SMAP1: variants seen among roughly 807,000 people sequenced by gnomAD.
The protein encoded by SMAP1 is stromal membrane-associated protein 1.
In SMAP1, 24 loss-of-function variants were observed where a neutral mutation model predicts 58.5. That is an observed-to-expected ratio of 0.41 (90% CI 0.30 to 0.58). The LOEUF (loss-of-function observed/expected upper bound fraction) is 0.58, where lower values mean the gene tolerates loss of function less well. SMAP1 is among the 20% of genes least tolerant of loss of function. SMAP1 has a pLI of 0.29. For missense variants in SMAP1, 563 were observed against 566.3 expected, an observed-to-expected ratio of 0.99 and a Z score of 0.06; for synonymous variants, 216 against 196.6, an observed-to-expected ratio of 1.10 and a Z score of -0.82.
intron 8 of SMAP1, among the ~76,000 whole-genome samples, chr6:70,856,242 CAT>C (rs958286582): frequency 6.6e-6 from 1 of 152,060 alleles, no homozygotes; most frequent in Non-Finnish European, 1.5e-5. Context: ...TAAATATCTA[CAT>C]GTTTATTTGT....
chr6:70,692,519 C>T (rs1446722469), intron 1 of SMAP1, among the ~76,000 whole-genome samples: 1 of 152,086 alleles, frequency 6.6e-6, no homozygotes, highest in Non-Finnish European at 1.5e-5. Context: ...GGCAGAGTGT[C>T]CCCAATGTTT....
intron 4 of SMAP1, 27 bp downstream of exon 4, chr6:70,773,452 ATTGT>A (rs755554139): frequency 1.7e-5 from 23 of 1,365,542 alleles, no homozygotes; most frequent in East Asian, 9.5e-5. Flanking sequence ...TCTCTCATCA[ATTGT>A]TTGTTGACTA....
intron 4 of SMAP1, among the ~76,000 whole-genome samples, chr6:70,783,202 G>A (rs951150381): frequency 6.6e-6 from 1 of 152,188 alleles, no homozygotes; most frequent in Admixed American, 6.5e-5. Context: ...GGTCTGGAGT[G>A]GACCTCTAGC....
At chr6:70,719,927 A>G (rs1768445498) in intron 1 of SMAP1, among the ~76,000 whole-genome samples, 1 of 152,140 alleles carries the variant, frequency 6.6e-6, no homozygotes, top group Non-Finnish European at 1.5e-5. Flanking sequence ...CAGCCAAACC[A>G]TATCATTCTG....
intron 6 of SMAP1, among the ~76,000 whole-genome samples, chr6:70,832,730 G>A (rs184087138): frequency 2.0e-5 from 3 of 152,300 alleles, no homozygotes; most frequent in East Asian, 1.9e-4. Flanking sequence ...AGAGGGGGCC[G>A]AAATTGTTTT....
Position 70,861,563 on chromosome 6 carries a change from TAAAAC to T in SMAP1, c.*1233_*1237del. 1 of 1,101,336 alleles carries T rather than the reference TAAAAC, an allele frequency of 9.1e-7. No individual in the cohort carries two copies. The highest frequency in any genetic ancestry group is 1.3e-6 in the Non-Finnish European group (1 of 747,686). 68.2% of individuals were successfully genotyped at this position (1,101,336 alleles called of 1,614,324 possible). A position where few individuals can be genotyped will look rare whatever the true frequency, so the allele number is the denominator to read the frequency against. ...GACAAGAAAGGCTGCTGTACTGAAGTAAAACAAACAATACCTGAATGCTCTGTAGC... is the reference window on the plus strand; with the variant it reads ...GACAAGAAAGGCTGCTGTACTGAAGTAAACAATACCTGAATGCTCTGTAGC... On this transcript the variant is annotated 3_prime_UTR_variant, in exon 11 of 11. Coordinates refer to ENST00000370455, the MANE Select transcript of SMAP1 (RefSeq NM_001044305.3).
At chr6:70,769,617 C>A (rs971010766) in intron 3 of SMAP1, among the ~76,000 whole-genome samples, 56 of 152,278 alleles carry the variant, frequency 3.7e-4, no homozygotes, top group African/African-American at 1.1e-3. Context: ...AGATCTTCCT[C>A]CATCCCTTTA....
rs760394416 is a variant in SMAP1, at chr6:70,858,130, C to T, written c.1170C>T (p.Asn390=). 18 of 1,614,018 alleles carry T rather than the reference C, an allele frequency of 1.1e-5. No homozygotes were observed. Among genetic ancestry groups the T allele is most frequent in the East Asian group, 4.5e-5 (2 of 44,842 alleles). Residue 390 remains asparagine, a synonymous_variant, in exon 10 of 11, where the codon AAC becomes AAT. Coordinates refer to ENST00000370455, the MANE Select transcript of SMAP1 (RefSeq NM_001044305.3). ...AQTGVMPLPQ[N]VVGPQGGMVG... is the part of the protein sequence containing the mutation. ...CTGGTGTGATGCCACTTCCTCAGAA[C>T]GTTGTTGGCCCCCAAGGAGGAATGG... is the stretch of plus-strand genomic sequence containing the variant.
intron 7 of SMAP1, among the ~76,000 whole-genome samples, chr6:70,846,863 T>C (rs2460689): frequency 0.51 from 78,027 of 151,970 alleles, 20,389 homozygotes; most frequent in East Asian, 0.78. Flanking sequence ...GTTTTCCGGG[T>C]GCACCATTGA....
chr6:70,830,441 A>G (rs143739643), intron 6 of SMAP1, among the ~76,000 whole-genome samples: 83 of 152,358 alleles, frequency 5.4e-4, no homozygotes, highest in African/African-American at 2.0e-3. Context: ...GCTTCCAGAT[A>G]TTATTTACTT....
At chr6:70,814,635 C>G (rs1297538866) in intron 6 of SMAP1, among the ~76,000 whole-genome samples, 1 of 152,204 alleles carries the variant, frequency 6.6e-6, no homozygotes, top group Middle Eastern at 3.4e-3. Flanking sequence ...TTCGTCCTGC[C>G]TACCCACACT....
chr6:70,860,275 A>ACAGCAGGATGGTCTGGAAG lies in SMAP1; in HGVS notation c.1347_1365dup (p.Ser457ArgfsTer31). 6.2e-7 allele frequency: 1 copy of ACAGCAGGATGGTCTGGAAG among 1,613,842 alleles called. No individual in the cohort carries two copies. The highest frequency in any genetic ancestry group is 2.2e-5 in the East Asian group (1 of 44,874). On this transcript the variant is annotated frameshift_variant, in exon 11 of 11. Coordinates refer to ENST00000370455, the MANE Select transcript of SMAP1 (RefSeq NM_001044305.3). LOFTEE classifies it high-confidence loss of function. The stretch of plus-strand genomic sequence containing the variant: ...AGGTTTTGGCCAGCCCTCCAGCACA[A>ACAGCAGGATGGTCTGGAAG]CAGCAGGATGGTCTGGAAGCTCATC...
intron 1 of SMAP1, among the ~76,000 whole-genome samples, chr6:70,731,792 T>A (rs1027674218): frequency 1.3e-5 from 2 of 152,208 alleles, no homozygotes; most frequent in African/African-American, 4.8e-5. Flanking sequence ...TTAAAAATTT[T>A]TTTTTCCAGA....
At chr6:70,771,269 G>C (rs1038087903) in intron 3 of SMAP1, among the ~76,000 whole-genome samples, 1 of 152,240 alleles carries the variant, frequency 6.6e-6, no homozygotes, top group Non-Finnish European at 1.5e-5. Context: ...GAGCACCACT[G>C]TTCTCTTCAA....
chr6:70,820,994 A>G (rs1390748310), intron 6 of SMAP1, among the ~76,000 whole-genome samples: 1 of 152,192 alleles, frequency 6.6e-6, no homozygotes, highest in Non-Finnish European at 1.5e-5. Flanking sequence ...TAAAGTCTAA[A>G]GTTTGATTTC....
intron 2 of SMAP1, among the ~76,000 whole-genome samples, chr6:70,740,937 T>C (rs1202367994): frequency 6.6e-6 from 1 of 152,174 alleles, no homozygotes; most frequent in African/African-American, 2.4e-5. Context: ...TTTCCCCTTA[T>C]AAAACCATTG....
chr6:70,670,868 C>T (rs905056819), intron 1 of SMAP1, among the ~76,000 whole-genome samples: 1 of 152,168 alleles, frequency 6.6e-6, no homozygotes, highest in African/African-American at 2.4e-5. Flanking sequence ...ACTGAATCAC[C>T]AGCTGTGTTT....
At chr6:70,785,154 C>G (rs952294076) in intron 4 of SMAP1, among the ~76,000 whole-genome samples, 3 of 152,164 alleles carry the variant, frequency 2.0e-5, no homozygotes, top group African/African-American at 7.2e-5. Flanking sequence ...GAAACTCACT[C>G]GAAACCGCTC....
chr6:70,689,484 C>T (rs910044313), intron 1 of SMAP1, among the ~76,000 whole-genome samples: 21 of 152,262 alleles, frequency 1.4e-4, no homozygotes, highest in African/African-American at 5.1e-4. Flanking sequence ...TCTTAATAAG[C>T]CTGGAAGTAA....
Sources: allele counts gnomAD v4.1 joint callset (sites outside exome capture counted in the v4.1 genomes callset), GRCh38; gene constraint gnomAD v4.1.1; transcripts MANE v1.5; gene names NCBI Gene and HGNC (gene_info 2026-07-23, HGNC 2026-07-21).